DENND1A: variants seen among roughly 807,000 people sequenced by gnomAD.
DENND1A encodes the protein DENN domain-containing protein 1A.
Under a neutral mutation model 113.7 loss-of-function variants are expected in DENND1A, and 51 were observed. That is an observed-to-expected ratio of 0.45 (90% CI 0.36 to 0.57). The LOEUF (loss-of-function observed/expected upper bound fraction) is 0.57. Ranked by LOEUF, DENND1A falls within the 20% of genes least tolerant of loss-of-function variation. The probability of loss-of-function intolerance (pLI) is 0.00; values close to 1 mark genes in which losing one functional copy is unlikely to be tolerated. For missense variants in DENND1A, 1,258 were observed against 1,395.9 expected, an observed-to-expected ratio of 0.90 and a Z score of 1.57; for synonymous variants, 565 against 570.8, an observed-to-expected ratio of 0.99 and a Z score of 0.14.
rs146808527 is a variant in DENND1A at position 123,382,225 on chromosome 9, G to A, written c.2420C>T (p.Ala807Val). ...ERLQTDRDRR[A>V]ALSPGLLPGV... Reference sequence around the variant, plus strand: ...AGGCAGGAGCCCTGGACTCAGGGCAGCTCGCCTGTCCCGATCCGTCTGCAG... The same window carrying A: ...AGGCAGGAGCCCTGGACTCAGGGCAACTCGCCTGTCCCGATCCGTCTGCAG... Residue 807 changes from alanine (A) to valine (V), a missense_variant, in exon 24 of 24, where the codon GCT (alanine) becomes GTT (valine). Physicochemically the swap from Ala to Val is moderately conservative, Grantham distance 64. Around this residue, in one of 2 missense-constraint regions of DENND1A, gnomAD observed 1,159 missense variants for 1,231.7 expected, o/e 0.94. Coordinates refer to ENST00000394215, the MANE Select transcript of DENND1A (RefSeq NM_001352964.2). 4.6e-5 allele frequency: 74 copies of A among 1,609,336 alleles called. No individual in the cohort carries two copies. Among genetic ancestry groups the A allele is most frequent in the Non-Finnish European group, 5.8e-5 (68 of 1,179,546 alleles).
chr9:123,928,248 T>C (rs1588299820), intron 1 of DENND1A, among the ~76,000 whole-genome samples: 1 of 152,220 alleles, frequency 6.6e-6, no homozygotes, highest in African/African-American at 2.4e-5. Context: ...ATCTGAACTT[T>C]TACTTGCTGG....
At chr9:123,583,875 A>G (rs1307421499) in intron 11 of DENND1A, among the ~76,000 whole-genome samples, 1 of 152,226 alleles carries the variant, frequency 6.6e-6, no homozygotes, top group Non-Finnish European at 1.5e-5. Flanking sequence ...CTACTGGCAC[A>G]GTAATAGAAA....
intron 19 of DENND1A, among the ~76,000 whole-genome samples, chr9:123,418,290 T>A (rs2044917000): frequency 6.6e-6 from 1 of 152,076 alleles, no homozygotes; most frequent in Admixed American, 6.5e-5. Flanking sequence ...GACACAGAAG[T>A]CCCTGAGAAG....
chr9:123,575,444 G>A (rs1218258060), intron 12 of DENND1A, among the ~76,000 whole-genome samples: 1 of 152,192 alleles, frequency 6.6e-6, no homozygotes, highest in East Asian at 1.9e-4. Context: ...GTTGCAGAAT[G>A]TTCCCAAATT....
intron 20 of DENND1A, among the ~76,000 whole-genome samples, chr9:123,404,234 C>T: frequency 6.6e-6 from 1 of 152,202 alleles, no homozygotes; most frequent in East Asian, 1.9e-4. Flanking sequence ...TGAGGGCCCA[C>T]AGAGAAAGAC....
intron 5 of DENND1A, among the ~76,000 whole-genome samples, chr9:123,730,806 C>T (rs2068105112): frequency 6.6e-6 from 1 of 152,116 alleles, no homozygotes; most frequent in African/African-American, 2.4e-5. Flanking sequence ...CACATGCACA[C>T]ATATATTTAT....
At chr9:123,387,486 G>T (rs958883929) in intron 22 of DENND1A, among the ~76,000 whole-genome samples, 1 of 152,192 alleles carries the variant, frequency 6.6e-6, no homozygotes, top group Non-Finnish European at 1.5e-5. Flanking sequence ...ACCAATGCTC[G>T]CGTATCACCC....
chr9:123,609,553 A>G (rs1330953815), intron 10 of DENND1A, 72 bp from the exon 11 acceptor site: 6 of 1,544,684 alleles, frequency 3.9e-6, no homozygotes, highest in Non-Finnish European at 5.3e-6. Context: ...CAGATGGTTC[A>G]CTATTTGGAG....
intron 5 of DENND1A, among the ~76,000 whole-genome samples, chr9:123,679,772 C>T (rs2064323510): frequency 6.6e-6 from 1 of 152,204 alleles, no homozygotes; most frequent in South Asian, 2.1e-4. Context: ...GGACCCTGCA[C>T]TCCAGTCTGC....
chr9:123,428,257 C>CA (rs2045890709), intron 19 of DENND1A, among the ~76,000 whole-genome samples: 1 of 152,184 alleles, frequency 6.6e-6, no homozygotes. Flanking sequence ...ATACACAAAT[C>CA]AATAAATGTA....
intron 13 of DENND1A, among the ~76,000 whole-genome samples, chr9:123,514,465 G>A (rs1472823988): frequency 1.3e-5 from 2 of 152,096 alleles, no homozygotes; most frequent in African/African-American, 4.8e-5. Flanking sequence ...CCTGAGGTGA[G>A]GAAGTAGACA....
At chr9:123,425,070 C>T (rs944991217) in intron 19 of DENND1A, among the ~76,000 whole-genome samples, 4 of 152,216 alleles carry the variant, frequency 2.6e-5, no homozygotes, top group Non-Finnish European at 5.9e-5. Flanking sequence ...CGGGGACTCC[C>T]TGCACAGCCA....
intron 10 of DENND1A, among the ~76,000 whole-genome samples, chr9:123,626,249 CT>C (rs931111033): frequency 2.0e-5 from 3 of 151,988 alleles, no homozygotes; most frequent in Non-Finnish European, 2.9e-5. Flanking sequence ...CGGGGGGTGT[CT>C]CTCCCTGTGG....
intron 5 of DENND1A, among the ~76,000 whole-genome samples, chr9:123,746,946 T>C (rs1035229853): frequency 3.9e-5 from 6 of 152,072 alleles, no homozygotes; most frequent in African/African-American, 1.4e-4. Context: ...TTTACAAAAG[T>C]GACAGTAAAA....
At chr9:123,856,837 G>C (rs1006263165) in intron 2 of DENND1A, among the ~76,000 whole-genome samples, 15 of 152,100 alleles carry the variant, frequency 9.9e-5, no homozygotes, top group Admixed American at 5.2e-4. Context: ...CATGATGACA[G>C]AGTAGTCATG....
At chr9:123,403,617 C>T in intron 20 of DENND1A, 127 bp from the exon 21 acceptor site, 1 of 791,364 alleles carries the variant, frequency 1.3e-6, no homozygotes, top group South Asian at 1.6e-5. Context: ...CTACAGGCTA[C>T]AAAAGCCCAG....
rs539768404 is a variant in DENND1A, at chr9:123,420,818, G to A, written c.1489-8989C>T. On this transcript the variant is annotated intron_variant, in intron 19 of 23. Transcript: ENST00000394215. ...CGAGGCAGCTGTGAGGGAAGGCTGC[G>A]TGGGGGCCGGGTGACCCTAGCCGCT... Among the ~76,000 whole-genome samples, 64 of 150,704 alleles carry A rather than the reference G, an allele frequency of 4.2e-4. 2 individuals are homozygous for A. The highest frequency in any genetic ancestry group is 2.9e-3 in the Admixed American group (44 of 15,136).
At chr9:123,558,336 T>C (rs1005180987) in intron 12 of DENND1A, among the ~76,000 whole-genome samples, 1 of 152,168 alleles carries the variant, frequency 6.6e-6, no homozygotes. Context: ...TTACAAATGT[T>C]AGAATAAAGG....
chr9:123,651,472 C>T (rs79515229), intron 9 of DENND1A, among the ~76,000 whole-genome samples: 3,266 of 152,384 alleles, frequency 0.021, 47 homozygotes, highest in Non-Finnish European at 0.034. Flanking sequence ...CACTCATCTA[C>T]AGCTGGCAGC....
Sources: gnomAD v4.1 joint callset for allele counts (sites outside exome capture counted in the v4.1 genomes callset) on GRCh38, gnomAD v4.1.1 for gene constraint, gnomAD v4.1.1 regional missense constraint, MANE v1.5 for transcripts, NCBI Gene and HGNC (gene_info 2026-07-23, HGNC 2026-07-21) for gene names.